USP34: variants seen among roughly 807,000 people sequenced by gnomAD.
USP34 encodes the protein ubiquitin carboxyl-terminal hydrolase 34.
Under a neutral mutation model 460.3 loss-of-function variants are expected in USP34, and 70 were observed. The observed-to-expected ratio is 0.15, with a 90% CI of 0.13 to 0.19. The LOEUF (loss-of-function observed/expected upper bound fraction) is 0.19. USP34 is among the 10% of genes least tolerant of loss of function. The pLI is 1.00. For missense variants in USP34, 3,985 were observed against 4,236.2 expected (o/e 0.94, Z 1.65); for synonymous variants, 1,647 against 1,405.3 (o/e 1.17, Z -3.85).
At chr2:61,272,593 T>G (rs1320405657) in intron 41 of USP34, among the ~76,000 whole-genome samples, 1 of 152,136 alleles carries the variant, frequency 6.6e-6, no homozygotes, top group Non-Finnish European at 1.5e-5. Flanking sequence ...CCTTGACTCA[T>G]ACATTTGCCC....
intron 40 of USP34, 43 bp from the exon 41 acceptor site, chr2:61,278,328 A>G (rs534745675): frequency 6.2e-7 from 1 of 1,609,824 alleles, no homozygotes; most frequent in African/African-American, 1.3e-5. Flanking sequence ...GATAGTTCAC[A>G]TAATTATGTC....
At chr2:61,448,648 G>A (rs559422316) in intron 1 of USP34, among the ~76,000 whole-genome samples, 1 of 152,206 alleles carries the variant, frequency 6.6e-6, no homozygotes, top group East Asian at 1.9e-4. Flanking sequence ...TCCATCCATA[G>A]ATGACATACA....
chr2:61,368,416 A>C (rs1232257702), intron 10 of USP34, among the ~76,000 whole-genome samples: 1 of 151,756 alleles, frequency 6.6e-6, no homozygotes, highest in Admixed American at 6.6e-5. Context: ...TGGGTGACAG[A>C]GCAAGACTCC....
chr2:61,384,216 T>C (rs1448138107), intron 5 of USP34, among the ~76,000 whole-genome samples: 1 of 152,190 alleles, frequency 6.6e-6, no homozygotes, highest in African/African-American at 2.4e-5. Flanking sequence ...AATAAATATA[T>C]TTCCTCATTT....
intron 30 of USP34, among the ~76,000 whole-genome samples, chr2:61,296,428 C>G (rs1230189238): frequency 2.6e-5 from 4 of 152,116 alleles, no homozygotes; most frequent in Non-Finnish European, 4.4e-5. Flanking sequence ...TTTGTATAAG[C>G]ACACAAAACA....
chr2:61,334,266 A>G (rs780601283), intron 18 of USP34, among the ~76,000 whole-genome samples: 89 of 152,298 alleles, frequency 5.8e-4, no homozygotes, highest in African/African-American at 2.1e-3. Flanking sequence ...CTATTTCTTC[A>G]TAAGTCATTA....
intron 27 of USP34, 64 bp downstream of exon 27, chr2:61,311,476 A>AAGAAAAAGAAAAAAAAGAG: frequency 6.7e-7 from 1 of 1,491,500 alleles, no homozygotes; most frequent in Non-Finnish European, 8.9e-7. Flanking sequence ...AGAAAAGAGA[A>AAGAAAAAGAAAAAAAAGAG]AGAGAAAGAG....
chr2:61,241,399 C>T (rs554439733), intron 53 of USP34, among the ~76,000 whole-genome samples, 161 bp downstream of exon 53: 11 of 152,086 alleles, frequency 7.2e-5, no homozygotes, highest in African/African-American at 1.2e-4. Flanking sequence ...TTTTCATTTA[C>T]GGGTCTTATA....
At chr2:61,383,480 A>C (rs1390609862) in intron 5 of USP34, 144 bp from the exon 6 acceptor site, 1 of 495,040 alleles carries the variant, frequency 2.0e-6, no homozygotes, top group African/African-American at 2.0e-5. Flanking sequence ...TGAGGTGGGC[A>C]GATCCGAAGG....
Position 61,407,590 on chromosome 2 carries a change from A to C in USP34, c.132-1462T>G, listed in dbSNP as rs1693915652. On this transcript the variant is annotated intron_variant, in intron 2 of 79. Transcript: ENST00000398571. ...TTCTCCAAGTGTGAATTTGAAGTAC[A>C]GCCACAAATTACTTGATATTCTTCT... 1.3e-5 allele frequency among the ~76,000 whole-genome samples: 2 copies of C among 152,240 alleles called. 1 individual carries two copies. The highest frequency in any genetic ancestry group is 4.1e-4 in the South Asian group (2 of 4,834).
At chr2:61,329,721 T>C (rs982290892) in intron 20 of USP34, among the ~76,000 whole-genome samples, 15 of 152,366 alleles carry the variant, frequency 9.8e-5, no homozygotes, top group African/African-American at 3.6e-4. Flanking sequence ...ATTATTTGTT[T>C]TAACCAGGTA....
At chr2:61,203,587 C>G (rs1034358665) in intron 74 of USP34, among the ~76,000 whole-genome samples, 1 of 151,988 alleles carries the variant, frequency 6.6e-6, no homozygotes, top group Non-Finnish European at 1.5e-5. Flanking sequence ...GAAATAGATT[C>G]CAAGTTATTC....
chr2:61,360,076 T>C (rs1050239391), intron 10 of USP34, among the ~76,000 whole-genome samples: 2 of 151,986 alleles, frequency 1.3e-5, no homozygotes, highest in African/African-American at 4.8e-5. Context: ...CTTTTTTTCA[T>C]ATATAAAGCA....
At chr2:61,252,919 A>G (rs1688626291) in intron 48 of USP34, among the ~76,000 whole-genome samples, 1 of 152,224 alleles carries the variant, frequency 6.6e-6, no homozygotes, top group African/African-American at 2.4e-5. Context: ...ACACATCACT[A>G]AACTACCTTC....
rs1231398242 is a variant in USP34 at position 61,348,154 on chromosome 2, T to C, written c.2001A>G (p.Thr667=). 6.8e-6 allele frequency: 11 copies of C among 1,614,108 alleles called. No homozygotes were observed. The highest frequency in any genetic ancestry group is 5.0e-5 in the Admixed American group (3 of 60,012). Residue 667 remains threonine, a synonymous_variant, in exon 15 of 80, where the codon ACA becomes ACG. Transcript: ENST00000398571. Reference sequence around the variant, plus strand: ...CCAGGTCCTTTCCTGTTCCGCTGCTTGTCCCATTTCTTTCTGACATGCCTT... The same window carrying C: ...CCAGGTCCTTTCCTGTTCCGCTGCTCGTCCCATTTCTTTCTGACATGCCTT... The part of the protein sequence containing the change: ...DSQGMSERNG[T]SSGTGKDLVF...
chr2:61,209,062 C>T lies in USP34; in HGVS notation c.8841-85G>A, dbSNP rs546838564. The T allele has an allele frequency of 4.7e-5, 38 of 807,144 alleles. No homozygotes were observed. The African/African-American group carries it at 6.5e-4, about 14-fold the overall frequency. 50.0% of individuals were successfully genotyped at this position (807,144 alleles called of 1,614,324 possible). ...ATGAAAAAATAAAAAGAAATAAAAT[C>T]ATCATTTAAGCTCTCTGCTTTCCTA... On this transcript the variant is annotated intron_variant, in intron 69 of 79. Transcript: ENST00000398571.
intron 1 of USP34, among the ~76,000 whole-genome samples, chr2:61,458,764 C>G (rs1163802605): frequency 1.3e-5 from 2 of 151,958 alleles, no homozygotes; most frequent in Non-Finnish European, 2.9e-5. Flanking sequence ...CCACTTGAAT[C>G]TTCCATCTTC....
intron 20 of USP34, among the ~76,000 whole-genome samples, chr2:61,330,202 G>T (rs1691218686): frequency 6.6e-6 from 1 of 152,132 alleles, no homozygotes; most frequent in Admixed American, 6.5e-5. Flanking sequence ...ATATCATATA[G>T]CTTCAGTATA....
At chr2:61,376,753 T>C (rs977466965) in intron 8 of USP34, among the ~76,000 whole-genome samples, 10 of 152,112 alleles carry the variant, frequency 6.6e-5, no homozygotes, top group South Asian at 4.1e-4. Flanking sequence ...GTTTAAGTGA[T>C]TCTCGTGCCT....
Sources: gnomAD v4.1 joint callset for allele counts (sites outside exome capture counted in the v4.1 genomes callset) on GRCh38, gnomAD v4.1.1 for gene constraint, MANE v1.5 for transcripts, NCBI Gene and HGNC (gene_info 2026-07-23, HGNC 2026-07-21) for gene names.